LRRC7: variants seen among roughly 807,000 people sequenced by gnomAD.
LRRC7 encodes the protein leucine rich repeat containing 7.
A neutral mutation model predicts 175.7 loss-of-function variants in LRRC7; 23 were observed. The observed-to-expected ratio is 0.13, with a 90% CI of 0.09 to 0.19. The LOEUF (loss-of-function observed/expected upper bound fraction) is 0.19, where lower values mean the gene tolerates loss of function less well. Among genes scored for constraint, LRRC7 ranks in the 10% least tolerant of loss-of-function variants. The probability of loss-of-function intolerance (pLI) is 1.00; values close to 1 mark genes in which losing one functional copy is unlikely to be tolerated. For missense variants in LRRC7, 1,354 were observed against 1,904.7 expected, an observed-to-expected ratio of 0.71 and a Z score of 5.38; for synonymous variants, 685 against 680.9, an observed-to-expected ratio of 1.01 and a Z score of -0.09.
intron 1 of LRRC7, among the ~76,000 whole-genome samples, chr1:69,592,622 C>T (rs1646684269): frequency 6.6e-6 from 1 of 151,950 alleles, no homozygotes; most frequent in Non-Finnish European, 1.5e-5. Flanking sequence ...CATAGCTGAG[C>T]ATTTAGGGGA....
chr1:70,060,642 T>C (rs1342168155), intron 23 of LRRC7, among the ~76,000 whole-genome samples: 1 of 152,150 alleles, frequency 6.6e-6, no homozygotes, highest in African/African-American at 2.4e-5. Context: ...CATGAGGCTG[T>C]AAGCAAGCAA....
At chr1:69,748,768 CCT>C (rs1669519083) in intron 2 of LRRC7, among the ~76,000 whole-genome samples, 1 of 152,090 alleles carries the variant, frequency 6.6e-6, no homozygotes, top group South Asian at 2.1e-4. Flanking sequence ...GACTGAGGGT[CCT>C]TCCAAACTTG....
chr1:69,962,953 C>T (rs1034188709), intron 8 of LRRC7, among the ~76,000 whole-genome samples: 3 of 151,984 alleles, frequency 2.0e-5, no homozygotes, highest in Non-Finnish European at 2.9e-5. Context: ...AACAATCCTG[C>T]ACATCCTGCA....
chr1:69,815,168 C>T (rs1411459234), intron 4 of LRRC7, among the ~76,000 whole-genome samples: 1 of 152,106 alleles, frequency 6.6e-6, no homozygotes. Context: ...TCTGGGGATT[C>T]CCTTTGCCTC....
intron 2 of LRRC7, among the ~76,000 whole-genome samples, chr1:69,746,453 G>A (rs1669263709): frequency 6.6e-6 from 1 of 151,872 alleles, no homozygotes; most frequent in Non-Finnish European, 1.5e-5. Context: ...ATGTTTTTTA[G>A]AGTATCTAAT....
chr1:70,112,728 T>C (rs1665604332), intron 26 of LRRC7, among the ~76,000 whole-genome samples: 1 of 151,708 alleles, frequency 6.6e-6, no homozygotes. Context: ...AGATCTCTGG[T>C]TGTGGAGGGA....
intron 1 of LRRC7, among the ~76,000 whole-genome samples, chr1:69,655,432 G>A (rs12044761): frequency 0.099 from 14,971 of 151,738 alleles, 839 homozygotes; most frequent in African/African-American, 0.16. Context: ...CACCAATACC[G>A]TCATATCCAT....
intron 11 of LRRC7, among the ~76,000 whole-genome samples, chr1:69,999,644 G>T (rs1284828457): frequency 6.6e-6 from 1 of 152,084 alleles, no homozygotes; most frequent in East Asian, 1.9e-4. Flanking sequence ...AAATTAATAG[G>T]TACTAATAGT....
intron 2 of LRRC7, among the ~76,000 whole-genome samples, chr1:69,694,328 C>A (rs1662279451): frequency 6.6e-6 from 1 of 152,160 alleles, no homozygotes; most frequent in Non-Finnish European, 1.5e-5. Flanking sequence ...GTTTCCTGGA[C>A]ATTTGATATA....
chr1:70,009,985 C>T (rs1656352120), intron 11 of LRRC7, among the ~76,000 whole-genome samples: 1 of 152,118 alleles, frequency 6.6e-6, no homozygotes, highest in Non-Finnish European at 1.5e-5. Flanking sequence ...ATCATCATGA[C>T]CCACTATCAC....
chr1:69,772,893 A>T (rs1672398626), intron 3 of LRRC7, among the ~76,000 whole-genome samples: 1 of 152,190 alleles, frequency 6.6e-6, no homozygotes, highest in Admixed American at 6.5e-5. Flanking sequence ...TGTTTGAAAA[A>T]GAGGGAGTAT....
chr1:70,133,128 T>TA lies in LRRC7; in HGVS notation c.*11242dup, dbSNP rs1244978022. Among the ~76,000 whole-genome samples the TA allele has an allele frequency of 6.6e-6, 1 of 152,180 alleles. No homozygotes were observed. Among genetic ancestry groups the TA allele is most frequent in the African/African-American group, 2.4e-5 (1 of 41,442 alleles). The stretch of plus-strand genomic sequence containing the variant: ...GTCTGCAGTTCAGAAGAGCCACCAC[T>TA]AGATGGAGACCTCATATCTACATTT... On this transcript the variant is annotated 3_prime_UTR_variant, in exon 27 of 27. Coordinates refer to ENST00000651989, the MANE Select transcript of LRRC7 (RefSeq NM_001370785.2).
intron 18 of LRRC7, among the ~76,000 whole-genome samples, chr1:70,035,251 T>A (rs1659183488): frequency 6.6e-6 from 1 of 152,138 alleles, no homozygotes; most frequent in Admixed American, 6.6e-5. Context: ...AGATAATGCA[T>A]TTTTATATCT....
intron 8 of LRRC7, among the ~76,000 whole-genome samples, chr1:69,970,447 A>G (rs1029866308): frequency 6.6e-6 from 1 of 152,186 alleles, no homozygotes; most frequent in African/African-American, 2.4e-5. Context: ...AACGAGAGAT[A>G]TTACAACTGA....
chr1:69,675,910 C>T (rs540163088), intron 1 of LRRC7, among the ~76,000 whole-genome samples: 1 of 151,836 alleles, frequency 6.6e-6, no homozygotes, highest in East Asian at 1.9e-4. Context: ...TCTCACTTGA[C>T]ATGAATTTTG....
At chr1:69,901,074 G>C (rs560620508) in intron 7 of LRRC7, among the ~76,000 whole-genome samples, 1 of 152,214 alleles carries the variant, frequency 6.6e-6, no homozygotes, top group East Asian at 1.9e-4. Flanking sequence ...GTATTTCTGA[G>C]CCCAGAAATG....
At chr1:69,799,968 A>G (rs575200371) in intron 4 of LRRC7, among the ~76,000 whole-genome samples, 19 of 152,092 alleles carry the variant, frequency 1.2e-4, no homozygotes, top group Non-Finnish European at 2.8e-4. Context: ...ATGGCGATCC[A>G]GTTTTCCCAG....
intron 7 of LRRC7, among the ~76,000 whole-genome samples, chr1:69,902,031 G>A (rs1342234581): frequency 1.3e-5 from 2 of 151,936 alleles, no homozygotes; most frequent in East Asian, 1.9e-4. Flanking sequence ...GCTCCATCAG[G>A]GCAGGAACTG....
chr1:69,740,067 G>A (rs1668539292), intron 2 of LRRC7, among the ~76,000 whole-genome samples: 1 of 152,054 alleles, frequency 6.6e-6, no homozygotes, highest in African/African-American at 2.4e-5. Context: ...TCTACTATAT[G>A]ATTGGTCAGT....
Sources: allele counts gnomAD v4.1 joint callset (sites outside exome capture counted in the v4.1 genomes callset), GRCh38; gene constraint gnomAD v4.1.1; transcripts MANE v1.5; gene names NCBI Gene and HGNC (gene_info 2026-07-23, HGNC 2026-07-21).